The following LDAH variants were observed in gnomAD, a reference collection of about 807,000 sequenced individuals.
The protein encoded by LDAH is lipid droplet associated hydrolase, also known as lipid droplet-associated hydrolase.
A neutral mutation model predicts 29.6 loss-of-function variants in LDAH; 26 were observed. The ratio of observed to expected loss-of-function variants is 0.88; its 90% CI spans 0.64 to 1.22. The LOEUF (loss-of-function observed/expected upper bound fraction) is 1.22. Ranked by LOEUF, LDAH falls within the 50% of genes most tolerant of loss-of-function variation. The pLI is 0.00. For synonymous variants in LDAH, 117 were observed against 133.0 expected (o/e 0.88, Z 0.83); for missense variants, 344 against 387.3 (o/e 0.89, Z 0.94).
intron 4 of LDAH, among the ~76,000 whole-genome samples, chr2:20,765,221 T>G (rs568265421): frequency 1.3e-5 from 2 of 152,334 alleles, no homozygotes; most frequent in South Asian, 4.1e-4. Flanking sequence ...CTCTCTACGC[T>G]TGGGCTGTTC....
chr2:20,818,483 C>T (rs972853530), intron 1 of LDAH, among the ~76,000 whole-genome samples: 3 of 152,012 alleles, frequency 2.0e-5, no homozygotes, highest in African/African-American at 4.8e-5. Context: ...TCCATCTCAT[C>T]TTTCTCCAGA....
intron 5 of LDAH, among the ~76,000 whole-genome samples, chr2:20,735,415 T>A (rs541031901): frequency 6.6e-6 from 1 of 152,296 alleles, no homozygotes; most frequent in East Asian, 1.9e-4. Context: ...GTTCCATCCA[T>A]TGAGATTTTA....
At chr2:20,766,940 G>A (rs939975383) in intron 4 of LDAH, among the ~76,000 whole-genome samples, 2 of 152,172 alleles carry the variant, frequency 1.3e-5, no homozygotes, top group African/African-American at 4.8e-5. Context: ...CCAGGGCTCT[G>A]TCCCCAGGGT....
chr2:20,773,430 G>A (rs1472360413), intron 4 of LDAH, among the ~76,000 whole-genome samples: 1 of 151,990 alleles, frequency 6.6e-6, no homozygotes, highest in Non-Finnish European at 1.5e-5. Context: ...CCATAAAGAT[G>A]GCAACCACAT....
chr2:20,717,392 A>C (rs2149389979), intron 5 of LDAH, among the ~76,000 whole-genome samples: 1 of 152,354 alleles, frequency 6.6e-6, no homozygotes, highest in South Asian at 2.1e-4. Context: ...CAAACCAGTA[A>C]GAAAAAGGCT....
chr2:20,721,008 G>C (rs898381388), intron 5 of LDAH, among the ~76,000 whole-genome samples: 1 of 151,864 alleles, frequency 6.6e-6, no homozygotes, highest in African/African-American at 2.4e-5. Context: ...GACTTTAATA[G>C]GACATGAAAC....
rs1438049812 is a variant in LDAH, at chr2:20,685,534, A to T, written c.*1369T>A. The stretch of plus-strand genomic sequence containing the variant: ...AAGCTATGCCAAAGCACAGTAACTC[A>T]TTCAGCACTTACCAATAAGTTGGCA... On this transcript the variant is annotated 3_prime_UTR_variant, in exon 7 of 7. Coordinates refer to ENST00000237822, the MANE Select transcript of LDAH (RefSeq NM_021925.4). The T allele has an allele frequency of 6.5e-7, 1 of 1,550,178 alleles. No homozygotes were observed.
At chr2:20,811,786 A>G (rs1431499564) in intron 1 of LDAH, among the ~76,000 whole-genome samples, 1 of 152,162 alleles carries the variant, frequency 6.6e-6, no homozygotes, top group Non-Finnish European at 1.5e-5. Flanking sequence ...ACCTGGCCTA[A>G]ACTAGTTCTT....
chr2:20,739,068 T>C (rs1667001546), intron 5 of LDAH, among the ~76,000 whole-genome samples: 1 of 152,238 alleles, frequency 6.6e-6, no homozygotes, highest in South Asian at 2.1e-4. Flanking sequence ...TTGTATAACT[T>C]TGGGCAATCA....
intron 5 of LDAH, among the ~76,000 whole-genome samples, chr2:20,736,234 G>A (rs1413777359): frequency 6.6e-6 from 1 of 152,128 alleles, no homozygotes; most frequent in Non-Finnish European, 1.5e-5. Flanking sequence ...CTGAGGTTAG[G>A]AGGTTGAGAC....
rs368644524 is a variant in LDAH at position 20,739,960 on chromosome 2, T to C, written c.703+11A>G. 1.9e-5 allele frequency: 31 copies of C among 1,590,340 alleles called. No homozygotes were observed. The highest frequency in any genetic ancestry group is 2.6e-5 in the Non-Finnish European group (30 of 1,159,236). On this transcript the variant is annotated intron_variant, in intron 5 of 6. Coordinates refer to ENST00000237822, the MANE Select transcript of LDAH (RefSeq NM_021925.4). ...AAGAATAAACATACACATTTTAAAA[T>C]CTGTGCTTACCAAGGCAGAATGGTT...
chr2:20,759,363 T>C (rs2124944940), intron 4 of LDAH, among the ~76,000 whole-genome samples: 1 of 152,302 alleles, frequency 6.6e-6, no homozygotes, highest in Middle Eastern at 3.4e-3. Flanking sequence ...CAAATACAAT[T>C]AGTCTGAAAT....
At chr2:20,766,053 C>T (rs1669010645) in intron 4 of LDAH, among the ~76,000 whole-genome samples, 1 of 151,840 alleles carries the variant, frequency 6.6e-6, no homozygotes, top group South Asian at 2.1e-4. Context: ...TACTCTAGTC[C>T]AGATGAATGG....
At chr2:20,812,341 T>C (rs933946928) in intron 1 of LDAH, among the ~76,000 whole-genome samples, 2 of 152,214 alleles carry the variant, frequency 1.3e-5, no homozygotes, top group Non-Finnish European at 2.9e-5. Flanking sequence ...CCCTTCTCTA[T>C]ATGCTCTCCC....
chr2:20,730,482 G>A (rs1392357882), intron 5 of LDAH, among the ~76,000 whole-genome samples: 1 of 150,726 alleles, frequency 6.6e-6, no homozygotes, highest in African/African-American at 2.4e-5. Context: ...TATGGTTGCT[G>A]ATTTTTTTTA....
intron 5 of LDAH, among the ~76,000 whole-genome samples, chr2:20,710,709 ATATAT>A (rs952949049): frequency 2.7e-5 from 4 of 146,786 alleles, no homozygotes; most frequent in Non-Finnish European, 4.5e-5. Flanking sequence ...ATATATACAC[ATATAT>A]TATACATATA....
Position 20,774,793 on chromosome 2 carries a change from T to G in LDAH, c.468+17A>C, listed in dbSNP as rs1412291046. ...ACACAGTCCAGCACCCACAGTTACC[T>G]CTGGAGACCTACTTACCGGGAGCTC... On this transcript the variant is annotated intron_variant, in intron 4 of 6. Coordinates refer to ENST00000237822, the MANE Select transcript of LDAH (RefSeq NM_021925.4). The G allele has an allele frequency of 1.2e-6, 2 of 1,612,018 alleles. No individual in the cohort carries two copies. Among genetic ancestry groups the G allele is most frequent in the African/African-American group, 2.7e-5 (2 of 74,972 alleles).
Position 20,790,276 on chromosome 2 carries a change from T to G in LDAH, c.277A>C (p.Lys93Gln). ...AGHALAPKDK[K>Q]ILTTSEDSNA... is the part of the protein sequence containing the mutation. ...ATACCCTCTGATGTTGTAAGAATCT[T>G]CTTGTCTTTGGGAGCCAACGCATGC... The change falls in exon 3 of 7, where the codon AAG (lysine) becomes CAG (glutamine). Residue 93 changes from lysine (K) to glutamine (Q), a missense_variant. By Grantham distance (53) the Lys-to-Gln change is moderately conservative. Transcript: ENST00000237822. The G allele has an allele frequency of 1.2e-6, 2 of 1,614,180 alleles. No homozygotes were observed. Among genetic ancestry groups the G allele is most frequent in the Non-Finnish European group, 1.7e-6 (2 of 1,180,008 alleles).
At chr2:20,819,669 C>CA (rs1305079681) in intron 1 of LDAH, among the ~76,000 whole-genome samples, 4 of 152,122 alleles carry the variant, frequency 2.6e-5, no homozygotes, top group Non-Finnish European at 5.9e-5. Context: ...ACTGAATGGG[C>CA]AAAAACTGGA....
Sources: gnomAD v4.1 joint callset for allele counts (sites outside exome capture counted in the v4.1 genomes callset) on GRCh38, gnomAD v4.1.1 for gene constraint, MANE v1.5 for transcripts, NCBI Gene and HGNC (gene_info 2026-07-23, HGNC 2026-07-21) for gene names.